VRK2: variants seen among roughly 807,000 people sequenced by gnomAD.
VRK2 encodes serine/threonine-protein kinase VRK2.
A neutral mutation model predicts 57.6 loss-of-function variants in VRK2; 60 were observed. That is an observed-to-expected ratio of 1.04 (90% CI 0.85 to 1.29). VRK2 has a LOEUF of 1.29. Among genes scored for constraint, VRK2 ranks in the 50% most tolerant of loss-of-function variants. The pLI is 0.00. For synonymous variants in VRK2, 231 were observed against 199.2 expected (o/e 1.16, Z -1.35); for missense variants, 705 against 588.1 (o/e 1.20, Z -2.06).
At chr2:57,911,272 T>A (rs1669977461) in intron 1 of VRK2, among the ~76,000 whole-genome samples, 1 of 152,200 alleles carries the variant, frequency 6.6e-6, no homozygotes, top group Non-Finnish European at 1.5e-5. Context: ...CCAAGCTATA[T>A]GTCCCTAGAG....
chr2:58,064,078 C>T lies in VRK2; in HGVS notation c.136+15111C>T, dbSNP rs779776940. On this transcript the variant is annotated intron_variant, in intron 2 of 12. Coordinates refer to ENST00000340157, the MANE Select transcript of VRK2 (RefSeq NM_006296.7). ...ACATTTAATTCATGAGGAGTTGCTT[C>T]TTAAGAATGAACAAAGAGAGTGGTT... 5.3e-5 allele frequency among the ~76,000 whole-genome samples: 8 copies of T among 152,162 alleles called. No individual in the cohort carries two copies. In the East Asian group the frequency reaches 7.7e-4, roughly 15 times the overall value.
At chr2:57,998,069 C>T (rs1354761389) in intron 1 of VRK2, among the ~76,000 whole-genome samples, 2 of 152,066 alleles carry the variant, frequency 1.3e-5, no homozygotes, top group Non-Finnish European at 2.9e-5. Context: ...TACATATCAC[C>T]TCTGTTTTTA....
At chr2:57,926,475 T>C in intron 1 of VRK2, among the ~76,000 whole-genome samples, 1 of 145,114 alleles carries the variant, frequency 6.9e-6, no homozygotes, top group East Asian at 2.0e-4. Context: ...GTGTATAGTG[T>C]ATATATATAC....
At chr2:58,024,945 A>T (rs1300819018) in intron 1 of VRK2, among the ~76,000 whole-genome samples, 1 of 152,232 alleles carries the variant, frequency 6.6e-6, no homozygotes, top group Non-Finnish European at 1.5e-5. Flanking sequence ...TATGGATGAC[A>T]GATATTGCTT....
rs1053422451 is a variant in VRK2 at position 58,112,819 on chromosome 2, T to C, written c.544-10282T>C. ...CTCTGGGGGACATTGCAGCACATTG[T>C]GGGAAGCTGAAGGGTGGAACTTCAT... On this transcript the variant is annotated intron_variant, in intron 7 of 12. Coordinates refer to ENST00000340157, the MANE Select transcript of VRK2 (RefSeq NM_006296.7). Among the ~76,000 whole-genome samples the C allele has an allele frequency of 5.3e-5, 8 of 152,284 alleles. No homozygotes were observed. In the East Asian group the frequency reaches 1.5e-3, roughly 29 times the overall value.
chr2:58,054,898 T>A (rs1411998274), intron 2 of VRK2, among the ~76,000 whole-genome samples: 1 of 152,206 alleles, frequency 6.6e-6, no homozygotes, highest in Non-Finnish European at 1.5e-5. Context: ...AACTCAGCAA[T>A]TATTTCAAGA....
At chr2:57,917,324 T>C (rs980665993) in intron 1 of VRK2, among the ~76,000 whole-genome samples, 4 of 151,916 alleles carry the variant, frequency 2.6e-5, no homozygotes, top group African/African-American at 9.7e-5. Context: ...GCTTTTATAA[T>C]GGGTGCTTGT....
chr2:58,092,154 A>G (rs556007452), intron 7 of VRK2, among the ~76,000 whole-genome samples: 13 of 152,128 alleles, frequency 8.5e-5, no homozygotes, highest in African/African-American at 2.4e-4. Context: ...TTCATTCCCA[A>G]AAGTTCTCTC....
At chr2:58,118,099 C>G (rs1348458726) in intron 7 of VRK2, among the ~76,000 whole-genome samples, 1 of 151,874 alleles carries the variant, frequency 6.6e-6, no homozygotes, top group Non-Finnish European at 1.5e-5. Flanking sequence ...ACTTGCCCCT[C>G]CCCCAGAAAA....
At chr2:58,064,682 A>G (rs1302165213) in intron 2 of VRK2, among the ~76,000 whole-genome samples, 2 of 152,100 alleles carry the variant, frequency 1.3e-5, no homozygotes, top group Non-Finnish European at 2.9e-5. Flanking sequence ...ATTCCAAGAA[A>G]CATTCCATTA....
At position 58,064,428 on chromosome 2, in the gene VRK2, A is replaced by T. The variant is rs568635028; in HGVS notation, c.136+15461A>T. 5.9e-5 allele frequency among the ~76,000 whole-genome samples: 9 copies of T among 152,290 alleles called. No homozygotes were observed. The East Asian group carries it at 1.7e-3, about 29-fold the overall frequency. On this transcript the variant is annotated intron_variant, in intron 2 of 12. Coordinates refer to ENST00000340157, the MANE Select transcript of VRK2 (RefSeq NM_006296.7). ...ATCAAGACCCTCCACAAGCAAAAAG[A>T]TAACTTGCTAAAAGTTCAGATGATT...
In VRK2 at chr2:58,158,623, G is replaced by C. The variant is rs193151245; in HGVS notation, c.1183-726G>C. ...TAAATGGTGCTGAGGGGGCATGCCA[G>C]ATGTCACCAAAGCAAAGCAGAAAAA... On this transcript the variant is annotated intron_variant, in intron 12 of 12. Coordinates refer to ENST00000340157, the MANE Select transcript of VRK2 (RefSeq NM_006296.7). Among the ~76,000 whole-genome samples, 46 of 152,258 alleles carry C rather than the reference G, an allele frequency of 3.0e-4. 1 individual carries two copies. The East Asian group carries it at 8.5e-3, about 28-fold the overall frequency.
chr2:57,996,065 T>G (rs1672913208), intron 1 of VRK2, among the ~76,000 whole-genome samples: 1 of 152,230 alleles, frequency 6.6e-6, no homozygotes, highest in African/African-American at 2.4e-5. Flanking sequence ...TTACATTGCA[T>G]TAGGTATTAT....
Position 57,959,849 on chromosome 2 carries a change from C to T in VRK2, c.-439+52010C>T, listed in dbSNP as rs557400098. Among the ~76,000 whole-genome samples, 51 of 152,140 alleles carry T rather than the reference C, an allele frequency of 3.4e-4. No homozygotes were observed. In the South Asian group the frequency reaches 9.5e-3, roughly 28 times the overall value. On this transcript the variant is annotated intron_variant, in intron 1 of 15. Transcript: ENST00000417641. Reference sequence around the variant, plus strand: ...TAGGATGCAAAGAAAACATAGTTTTCGGTGGATGTGTTCCTCATGTCCTGA... The same window carrying T: ...TAGGATGCAAAGAAAACATAGTTTTTGGTGGATGTGTTCCTCATGTCCTGA...
rs1358079913 is a variant in VRK2 at position 58,159,839 on chromosome 2, A to G, written c.*146A>G. 1.9e-6 allele frequency: 3 copies of G among 1,608,534 alleles called. No homozygotes were observed. Among genetic ancestry groups the G allele is most frequent in the African/African-American group, 1.3e-5 (1 of 74,584 alleles). On this transcript the variant is annotated 3_prime_UTR_variant, in exon 13 of 13. Coordinates refer to ENST00000340157, the MANE Select transcript of VRK2 (RefSeq NM_006296.7). ...ACATATTTTAACAAAGTTTGTGGAC[A>G]CTCTAAAAAATAAAATTGCTTTGTA...
At chr2:58,156,592 T>G (rs1683904611) in intron 12 of VRK2, among the ~76,000 whole-genome samples, 1 of 148,908 alleles carries the variant, frequency 6.7e-6, no homozygotes, top group Non-Finnish European at 1.5e-5. Context: ...TTTTTTGTTT[T>G]GTTTTGTTTT....
intron 1 of VRK2, among the ~76,000 whole-genome samples, chr2:58,001,161 A>G (rs1673077419): frequency 6.6e-6 from 1 of 152,224 alleles, no homozygotes; most frequent in Non-Finnish European, 1.5e-5. Context: ...TGTAGGATAA[A>G]CCGAACTATT....
chr2:58,000,147 T>G (rs1673048216), intron 1 of VRK2, among the ~76,000 whole-genome samples: 1 of 152,226 alleles, frequency 6.6e-6, no homozygotes, highest in Non-Finnish European at 1.5e-5. Flanking sequence ...TTGAGCTCCC[T>G]GCTCTTAAAC....
chr2:57,928,752 A>G (rs1340669455), intron 1 of VRK2, among the ~76,000 whole-genome samples: 1 of 152,212 alleles, frequency 6.6e-6, no homozygotes, highest in Non-Finnish European at 1.5e-5. Flanking sequence ...CTCTGCAGCC[A>G]TATCTGCATC....
Sources: allele counts gnomAD v4.1 joint callset (sites outside exome capture counted in the v4.1 genomes callset), GRCh38; gene constraint gnomAD v4.1.1; transcripts MANE v1.5; gene names NCBI Gene and HGNC (gene_info 2026-07-23, HGNC 2026-07-21).